SOX5: variants seen among roughly 807,000 people sequenced by gnomAD.
The protein encoded by SOX5 is transcription factor SOX-5.
Under a neutral mutation model 92.0 loss-of-function variants are expected in SOX5, and 9 were observed. The observed-to-expected ratio is 0.10, with a 90% CI of 0.06 to 0.17. SOX5 has a LOEUF of 0.17. SOX5 is among the 10% of genes least tolerant of loss of function. The pLI is 1.00. For synonymous variants in SOX5, 344 were observed against 336.3 expected (o/e 1.02, Z -0.25); for missense variants, 642 against 944.5 (o/e 0.68, Z 4.20).
intron 10 of SOX5, among the ~76,000 whole-genome samples, chr12:23,563,929 T>G (rs1946642841): frequency 6.6e-6 from 1 of 152,200 alleles, no homozygotes; most frequent in African/African-American, 2.4e-5. Flanking sequence ...AAGAGTATTT[T>G]CTTCCTAAAA....
intron 3 of SOX5, among the ~76,000 whole-genome samples, chr12:23,806,868 T>TA: frequency 6.6e-6 from 1 of 152,326 alleles, no homozygotes; most frequent in Middle Eastern, 3.4e-3. Context: ...CTTTGGGCGA[T>TA]AAAATGACTT....
intron 13 of SOX5, among the ~76,000 whole-genome samples, chr12:23,541,965 T>G (rs1480181143): frequency 6.6e-6 from 1 of 152,070 alleles, no homozygotes; most frequent in Non-Finnish European, 1.5e-5. Flanking sequence ...CAAAAGTTAG[T>G]TGGGCATGGT....
At chr12:23,711,922 C>T (rs534903120) in intron 6 of SOX5, among the ~76,000 whole-genome samples, 1 of 152,222 alleles carries the variant, frequency 6.6e-6, no homozygotes, top group South Asian at 2.1e-4. Context: ...AGCTGGGCAC[C>T]ATCTTGGTGC....
chr12:24,481,632 TTC>T (rs1392531885), intron 1 of SOX5, among the ~76,000 whole-genome samples: 2 of 152,206 alleles, frequency 1.3e-5, no homozygotes, highest in African/African-American at 4.8e-5. Context: ...ACTCATTTAA[TTC>T]TCAGAGCTAC....
intron 6 of SOX5, among the ~76,000 whole-genome samples, chr12:23,672,452 G>T (rs979116691): frequency 9.9e-5 from 15 of 151,662 alleles, no homozygotes; most frequent in African/African-American, 3.1e-4. Context: ...TCACCAAAGG[G>T]CCCCTGGGCC....
chr12:23,719,501 T>G (rs546327831), intron 6 of SOX5, among the ~76,000 whole-genome samples: 1 of 152,208 alleles, frequency 6.6e-6, no homozygotes, highest in African/African-American at 2.4e-5. Flanking sequence ...ATCCCAGCAC[T>G]TTGGGAAGCC....
Position 23,726,674 on chromosome 12 carries a change from T to C in SOX5, c.810+8010A>G, listed in dbSNP as rs141287458. 6.1e-3 allele frequency among the ~76,000 whole-genome samples: 928 copies of C among 152,236 alleles called. 6 individuals are homozygous for C. The highest frequency in any genetic ancestry group is 0.01 in the Middle Eastern group (3 of 294). ...GAGGATATGGACTACAGAGCCTCAG[T>C]GAGAAACAGTTCAAGTTTGTCCACA... On this transcript the variant is annotated intron_variant, in intron 6 of 14. Transcript: ENST00000451604.
chr12:24,207,926 TA>T (rs1243202338), intron 4 of SOX5, among the ~76,000 whole-genome samples: 1 of 152,192 alleles, frequency 6.6e-6, no homozygotes, highest in African/African-American at 2.4e-5. Context: ...AACTCAAATA[TA>T]AAGACTCTCA....
At chr12:23,560,066 C>T (rs1945927531) in intron 11 of SOX5, among the ~76,000 whole-genome samples, 1 of 152,074 alleles carries the variant, frequency 6.6e-6, no homozygotes, top group Admixed American at 6.6e-5. Context: ...TGCACCACCA[C>T]ACCCGGGTAA....
intron 2 of SOX5, among the ~76,000 whole-genome samples, chr12:24,319,006 T>A (rs1017353374): frequency 1.3e-5 from 2 of 152,146 alleles, no homozygotes; most frequent in Non-Finnish European, 2.9e-5. Flanking sequence ...ATATCCTCCT[T>A]CCACACAGAA....
intron 4 of SOX5, among the ~76,000 whole-genome samples, chr12:24,149,484 T>C (rs1292421145): frequency 6.6e-6 from 1 of 152,064 alleles, no homozygotes; most frequent in East Asian, 1.9e-4. Context: ...TAGGTAAACG[T>C]AAATTAAAAT....
At chr12:23,960,107 C>T (rs1200422173) in intron 4 of SOX5, among the ~76,000 whole-genome samples, 1 of 152,156 alleles carries the variant, frequency 6.6e-6, no homozygotes, top group African/African-American at 2.4e-5. Context: ...GTCCACCACC[C>T]TGGGTCCTAG....
At chr12:23,986,424 G>T (rs761274257) in intron 4 of SOX5, among the ~76,000 whole-genome samples, 1 of 152,058 alleles carries the variant, frequency 6.6e-6, no homozygotes, top group Non-Finnish European at 1.5e-5. Flanking sequence ...TATCACTTTA[G>T]GTGCTCATTA....
intron 2 of SOX5, among the ~76,000 whole-genome samples, chr12:24,306,616 G>T (rs955771609): frequency 6.6e-6 from 1 of 152,174 alleles, no homozygotes; most frequent in Non-Finnish European, 1.5e-5. Flanking sequence ...GACAAAGAAT[G>T]CTGGGAGAGG....
At chr12:24,450,200 C>T (rs1453358782) in intron 1 of SOX5, among the ~76,000 whole-genome samples, 1 of 152,014 alleles carries the variant, frequency 6.6e-6, no homozygotes, top group African/African-American at 2.4e-5. Flanking sequence ...CAAAATATAC[C>T]TACTTTTAGG....
At chr12:23,722,676 T>C (rs767715423) in intron 6 of SOX5, among the ~76,000 whole-genome samples, 1 of 152,208 alleles carries the variant, frequency 6.6e-6, no homozygotes, top group South Asian at 2.1e-4. Flanking sequence ...CACAATTCTA[T>C]ATACATCACT....
chr12:23,752,266 G>T (rs1024590640), intron 4 of SOX5, among the ~76,000 whole-genome samples: 10 of 151,878 alleles, frequency 6.6e-5, no homozygotes, highest in Middle Eastern at 6.8e-3. Context: ...AATAAACCAG[G>T]CTCTAAAAAA....
At chr12:24,040,827 T>G (rs1191019101) in intron 4 of SOX5, among the ~76,000 whole-genome samples, 1 of 152,024 alleles carries the variant, frequency 6.6e-6, no homozygotes, top group Non-Finnish European at 1.5e-5. Context: ...GAGCCGAGAT[T>G]GCACCACTGC....
At chr12:24,118,031 A>G (rs186302142) in intron 4 of SOX5, among the ~76,000 whole-genome samples, 1,606 of 149,420 alleles carry the variant, frequency 0.011, 35 homozygotes, top group African/African-American at 0.038. Flanking sequence ...AAAAAAAAAA[A>G]AAAAAAAGAA....
Sources: gnomAD v4.1 joint callset for allele counts (sites outside exome capture counted in the v4.1 genomes callset) on GRCh38, gnomAD v4.1.1 for gene constraint, MANE v1.5 for transcripts, NCBI Gene and HGNC (gene_info 2026-07-23, HGNC 2026-07-21) for gene names.